The following CSMD2 variants were observed in gnomAD, a reference collection of about 807,000 sequenced individuals.
The protein encoded by CSMD2 is CUB and Sushi multiple domains 2, also known as CUB and sushi domain-containing protein 2.
In CSMD2, 130 loss-of-function variants were observed where a neutral mutation model predicts 398.5. The observed-to-expected ratio is 0.33, with a 90% CI of 0.28 to 0.38. CSMD2 has a LOEUF of 0.38. CSMD2 is among the 10% of genes least tolerant of loss of function. CSMD2 has a pLI of 1.00. For synonymous variants in CSMD2, 1,828 were observed against 1,908.5 expected (o/e 0.96, Z 1.10); for missense variants, 3,829 against 4,764.9 (o/e 0.80, Z 5.78).
intron 3 of CSMD2, among the ~76,000 whole-genome samples, chr1:33,979,269 C>A (rs496755): frequency 6.6e-6 from 1 of 152,050 alleles, no homozygotes; most frequent in Non-Finnish European, 1.5e-5. Context: ...TCCCTTCCTC[C>A]TTGTGTCTGA....
chr1:34,055,096 T>C (rs1393152952), intron 2 of CSMD2, among the ~76,000 whole-genome samples: 1 of 152,074 alleles, frequency 6.6e-6, no homozygotes, highest in Non-Finnish European at 1.5e-5. Context: ...ACAAGACCCT[T>C]TGTAATCTGG....
intron 64 of CSMD2, among the ~76,000 whole-genome samples, chr1:33,528,855 T>C (rs922047632): frequency 1.3e-5 from 2 of 152,114 alleles, no homozygotes; most frequent in Admixed American, 6.5e-5. Context: ...CACTGAAAAA[T>C]ATAAAGCATC....
At chr1:33,891,355 T>C (rs1319226882) in intron 5 of CSMD2, among the ~76,000 whole-genome samples, 1 of 150,684 alleles carries the variant, frequency 6.6e-6, no homozygotes, top group Non-Finnish European at 1.5e-5. Flanking sequence ...TGAGATACCA[T>C]CTCACACCAG....
chr1:33,610,961 A>G (rs1464874519), intron 41 of CSMD2, 80 bp downstream of exon 41: 1 of 1,384,026 alleles, frequency 7.2e-7, no homozygotes, highest in Non-Finnish European at 1.0e-6. Context: ...TTTCCCCCAC[A>G]TGGAAGGCTG....
chr1:33,646,856 A>AC, intron 28 of CSMD2, 21 bp from the exon 29 acceptor site: 1 of 1,569,370 alleles, frequency 6.4e-7, no homozygotes, highest in Non-Finnish European at 8.7e-7. Flanking sequence ...AAAACATCCC[A>AC]CCCCCACCCC....
chr1:33,744,348 T>C (rs1446507426), intron 13 of CSMD2, among the ~76,000 whole-genome samples: 4 of 152,242 alleles, frequency 2.6e-5, no homozygotes, highest in South Asian at 4.2e-4. Context: ...AACCCCAAGA[T>C]GCCACACTAT....
intron 13 of CSMD2, among the ~76,000 whole-genome samples, chr1:33,751,497 G>T (rs1309533012): frequency 6.6e-6 from 1 of 152,194 alleles, no homozygotes; most frequent in African/African-American, 2.4e-5. Flanking sequence ...ATGGAGTGGG[G>T]TAACAGGGTA....
intron 32 of CSMD2, among the ~76,000 whole-genome samples, chr1:33,631,868 G>C (rs1571014260): frequency 6.6e-6 from 1 of 152,008 alleles, no homozygotes; most frequent in South Asian, 2.1e-4. Context: ...GCAAAAGTAA[G>C]CAACAACAGC....
chr1:34,004,048 G>A (rs921607003), intron 3 of CSMD2, among the ~76,000 whole-genome samples: 2 of 152,138 alleles, frequency 1.3e-5, no homozygotes, highest in Non-Finnish European at 2.9e-5. Flanking sequence ...CCCTTAGTCC[G>A]CTGGGATTTC....
At chr1:33,610,593 C>T (rs1238880498) in intron 41 of CSMD2, among the ~76,000 whole-genome samples, 4 of 152,186 alleles carry the variant, frequency 2.6e-5, no homozygotes. Flanking sequence ...TTGTGCAAGG[C>T]TTAGAGGTGC....
At chr1:33,786,286 T>A (rs775679376) in intron 12 of CSMD2, among the ~76,000 whole-genome samples, 2 of 152,182 alleles carry the variant, frequency 1.3e-5, no homozygotes, top group South Asian at 2.1e-4. Flanking sequence ...GAGGATGACA[T>A]GGAATCATTT....
chr1:33,880,704 G>C (rs2125172279), intron 5 of CSMD2, among the ~76,000 whole-genome samples: 1 of 152,226 alleles, frequency 6.6e-6, no homozygotes, highest in African/African-American at 2.4e-5. Flanking sequence ...TCATTCTTGT[G>C]GCATGCTGTT....
rs1394675557 is a variant in CSMD2, at chr1:33,625,129, G to T, written c.5422C>A (p.Gln1808Lys). Residue 1808 changes from glutamine to lysine, a missense_variant, in exon 34 of 71, where the codon CAG becomes AAG. Gln to Lys is a moderately conservative substitution (Grantham distance 53). This residue lies in a region of CSMD2 where 2,001 missense variants were observed against 2,567.1 expected (regional missense o/e 0.78). Coordinates refer to ENST00000373381, the MANE Select transcript of CSMD2 (RefSeq NM_001281956.2). ...AGGCACTCGATCTCTGGCGACCCCT[G>T]CAGGGCATAGCCGGAGTTGCATTCG... ...RFECNSGYAL[Q>K]GSPEIECLPV... is the part of the protein sequence containing the mutation. 2 of 1,614,134 alleles carry T rather than the reference G, an allele frequency of 1.2e-6. No homozygotes were observed.
chr1:33,697,516 A>C (rs1645459217), intron 24 of CSMD2, among the ~76,000 whole-genome samples: 1 of 152,182 alleles, frequency 6.6e-6, no homozygotes. Flanking sequence ...TCCTGTGAAA[A>C]TGTAGTCGTC....
At chr1:33,814,570 A>G (rs1001562242) in intron 9 of CSMD2, among the ~76,000 whole-genome samples, 1 of 152,278 alleles carries the variant, frequency 6.6e-6, no homozygotes, top group African/African-American at 2.4e-5. Flanking sequence ...ACTCTCTAAG[A>G]ATGCAATTCT....
rs1387061000 is a variant in CSMD2 at position 33,677,860 on chromosome 1, A to G, written c.4053-14768T>C. The stretch of plus-strand genomic sequence containing the variant: ...ATTCTCAGCAAACTATCACAAGGAC[A>G]AAAAACCAAACACCGCATGTTCTCA... On this transcript the variant is annotated intron_variant, in intron 25 of 70. Transcript: ENST00000373381. Among the ~76,000 whole-genome samples, 3 of 151,164 alleles carry G rather than the reference A, an allele frequency of 2.0e-5. No individual in the cohort carries two copies. In the East Asian group the frequency reaches 5.9e-4, roughly 30 times the overall value.
At chr1:34,008,860 A>G (rs138543054) in intron 3 of CSMD2, among the ~76,000 whole-genome samples, 21 of 152,322 alleles carry the variant, frequency 1.4e-4, no homozygotes, top group African/African-American at 4.6e-4. Flanking sequence ...TGGGTGCACC[A>G]TAACTATTTG....
At chr1:33,942,523 T>C (rs1644709463) in intron 3 of CSMD2, among the ~76,000 whole-genome samples, 2 of 152,226 alleles carry the variant, frequency 1.3e-5, no homozygotes, top group African/African-American at 4.8e-5. Flanking sequence ...CCCTAACCAT[T>C]GTCAGGCAGA....
intron 21 of CSMD2, among the ~76,000 whole-genome samples, chr1:33,711,642 C>G (rs2149160695): frequency 6.6e-6 from 1 of 152,344 alleles, no homozygotes; most frequent in Admixed American, 6.5e-5. Flanking sequence ...CCGAGGCTCA[C>G]AGCACCCTCA....
Sources: gnomAD v4.1 joint callset for allele counts (sites outside exome capture counted in the v4.1 genomes callset) on GRCh38, gnomAD v4.1.1 for gene constraint, gnomAD v4.1.1 regional missense constraint, MANE v1.5 for transcripts, NCBI Gene and HGNC (gene_info 2026-07-23, HGNC 2026-07-21) for gene names.